The following PHLDB2 variants were observed in gnomAD, a reference collection of about 807,000 sequenced individuals.
PHLDB2 encodes the protein pleckstrin homology like domain family B member 2.
In PHLDB2, 71 loss-of-function variants were observed where a neutral mutation model predicts 123.6. The ratio of observed to expected loss-of-function variants is 0.57; its 90% CI spans 0.47 to 0.70. The LOEUF (loss-of-function observed/expected upper bound fraction) is 0.70. Ranked by LOEUF, PHLDB2 falls within the 30% of genes least tolerant of loss-of-function variation. The pLI, the probability that PHLDB2 is intolerant of heterozygous loss-of-function variation, is 0.00. For synonymous variants in PHLDB2, 547 were observed against 541.6 expected (o/e 1.01, Z -0.14); for missense variants, 1,446 against 1,519.5 (o/e 0.95, Z 0.80).
rs534846986 is a variant in PHLDB2 at position 111,863,587 on chromosome 3, C to G, written c.-15+4011C>G. ...AAATAACTATGGGGGTAAAAGGAACCTTAGAAATCCTCTTATCTGAATCTT... is the reference window on the plus strand; with the variant it reads ...AAATAACTATGGGGGTAAAAGGAACGTTAGAAATCCTCTTATCTGAATCTT... On this transcript the variant is annotated intron_variant, in intron 1 of 17. Transcript: ENST00000431670. 2.0e-5 allele frequency among the ~76,000 whole-genome samples: 3 copies of G among 152,238 alleles called. No individual in the cohort carries two copies. The East Asian group carries it at 5.8e-4, about 29-fold the overall frequency.
chr3:111,845,910 T>G, exon 2 of PHLDB2: 4 of 1,614,182 alleles, frequency 2.5e-6, no homozygotes, highest in Non-Finnish European at 3.4e-6. Flanking sequence ...CCAAGGAAGA[T>G]GGAGTTGGTG....
intron 1 of PHLDB2, among the ~76,000 whole-genome samples, chr3:111,792,060 G>A (rs1180795049): frequency 1.3e-5 from 2 of 152,044 alleles, no homozygotes; most frequent in Non-Finnish European, 2.9e-5. Context: ...TTTCACATAT[G>A]AGTAAAAACA....
At chr3:111,904,289 A>C (rs374434402) in intron 2 of PHLDB2, among the ~76,000 whole-genome samples, 3 of 150,744 alleles carry the variant, frequency 2.0e-5, no homozygotes, top group Non-Finnish European at 4.4e-5. Flanking sequence ...AAAAAAAAAA[A>C]GGCCAAGGGT....
intron 13 of PHLDB2, among the ~76,000 whole-genome samples, chr3:111,964,856 A>G (rs1462879235): frequency 6.6e-6 from 1 of 152,186 alleles, no homozygotes; most frequent in African/African-American, 2.4e-5. Flanking sequence ...GGATTAGGCT[A>G]TTGGTGAGTT....
At chr3:111,867,259 T>C (rs1337074764) in intron 1 of PHLDB2, among the ~76,000 whole-genome samples, 2 of 152,120 alleles carry the variant, frequency 1.3e-5, no homozygotes, top group African/African-American at 4.8e-5. Flanking sequence ...TAGGAGCCAG[T>C]GATATGACCC....
chr3:111,896,321 T>C lies in PHLDB2; in HGVS notation c.1335+10909T>C, dbSNP rs772316924. ...AAAAATTTATCATCAGCTAATAGGT[T>C]TAGTGATTGTGCTGGCTAATTCTTT... On this transcript the variant is annotated intron_variant, in intron 2 of 17. Coordinates refer to ENST00000431670, the MANE Select transcript of PHLDB2 (RefSeq NM_001134438.2). Among the ~76,000 whole-genome samples the C allele has an allele frequency of 5.3e-5, 8 of 149,540 alleles. No homozygotes were observed. In the South Asian group the frequency reaches 1.7e-3, roughly 32 times the overall value.
At chr3:111,886,152 A>G (rs1285219754) in intron 2 of PHLDB2, among the ~76,000 whole-genome samples, 6 of 152,254 alleles carry the variant, frequency 3.9e-5, no homozygotes, top group Non-Finnish European at 7.3e-5. Context: ...TAGAATGAAT[A>G]TCTGTGAGAG....
intron 1 of PHLDB2, among the ~76,000 whole-genome samples, chr3:111,749,351 C>A (rs145918413): frequency 0.011 from 1,651 of 152,154 alleles, 12 homozygotes; most frequent in Non-Finnish European, 0.018. Flanking sequence ...ACAAAGACAT[C>A]CATTTTAGTG....
At chr3:111,768,512 G>A (rs1419919137) in intron 1 of PHLDB2, among the ~76,000 whole-genome samples, 5 of 152,126 alleles carry the variant, frequency 3.3e-5, no homozygotes, top group Non-Finnish European at 7.3e-5. Flanking sequence ...TGCAGACCTA[G>A]CCCCAACCCA....
exon 2 of PHLDB2, chr3:111,845,881 G>T (rs201415940): frequency 1.9e-6 from 3 of 1,614,186 alleles, no homozygotes; most frequent in Admixed American, 1.7e-5. Context: ...GGAGGAGGAG[G>T]ATACCAAGAG....
chr3:111,888,808 A>G (rs7642148), intron 2 of PHLDB2, among the ~76,000 whole-genome samples: 29 of 152,194 alleles, frequency 1.9e-4, no homozygotes, highest in African/African-American at 6.0e-4. Flanking sequence ...AACTTTGCCA[A>G]ATTTTTAAAA....
At chr3:111,838,282 C>T (rs1204023427) in intron 1 of PHLDB2, among the ~76,000 whole-genome samples, 8 of 152,110 alleles carry the variant, frequency 5.3e-5, no homozygotes, top group African/African-American at 1.9e-4. Context: ...ACTATAGGCA[C>T]CTGCCACCAC....
At chr3:111,773,548 T>C (rs7640556) in intron 1 of PHLDB2, among the ~76,000 whole-genome samples, 142,555 of 152,300 alleles carry the variant, frequency 0.94, 66,767 homozygotes, top group East Asian at 1. Context: ...TCAAGCACTT[T>C]GCATTCATCC....
chr3:111,777,235 A>G (rs1354249797), intron 1 of PHLDB2, among the ~76,000 whole-genome samples: 1 of 152,168 alleles, frequency 6.6e-6, no homozygotes, highest in Non-Finnish European at 1.5e-5. Flanking sequence ...ATGTCAAAAC[A>G]GATTACTAGT....
chr3:111,830,880 G>T (rs540392638), intron 1 of PHLDB2, among the ~76,000 whole-genome samples: 19 of 149,620 alleles, frequency 1.3e-4, no homozygotes, highest in African/African-American at 4.4e-4. Context: ...CATGAGGGGC[G>T]GTGGGATCTT....
chr3:111,743,070 G>A (rs1417552749), intron 1 of PHLDB2, among the ~76,000 whole-genome samples: 10 of 152,162 alleles, frequency 6.6e-5, no homozygotes, highest in Admixed American at 4.6e-4. Context: ...TGGGGTCCAA[G>A]TGGTATTTTA....
intron 1 of PHLDB2, among the ~76,000 whole-genome samples, chr3:111,766,286 C>CA (rs5851782): frequency 0.37 from 56,202 of 151,268 alleles, 12,784 homozygotes; most frequent in Middle Eastern, 0.54. Context: ...ACAACAACAA[C>CA]AAAAAAATTA....
At chr3:111,911,004 C>G (rs2067853211) in intron 2 of PHLDB2, among the ~76,000 whole-genome samples, 1 of 152,204 alleles carries the variant, frequency 6.6e-6, no homozygotes, top group Non-Finnish European at 1.5e-5. Flanking sequence ...ACCAAACTTC[C>G]TGTTCACAAG....
rs1282976 is a variant in PHLDB2 at position 111,851,461 on chromosome 3, G to T, written c.67+5526G>T. 1.4e-4 allele frequency among the ~76,000 whole-genome samples: 22 copies of T among 152,080 alleles called. 1 individual carries two copies. Among genetic ancestry groups the T allele is most frequent in the Admixed American group, 5.9e-4 (9 of 15,276 alleles). On this transcript the variant is annotated intron_variant, in intron 2 of 17. Transcript: ENST00000393923. Reference sequence around the variant, plus strand: ...CAGAGTAATCATAACTCTGAAAAAGGAAAAGGGCAGTCAGGAGTGGATGGA... The same window carrying T: ...CAGAGTAATCATAACTCTGAAAAAGTAAAAGGGCAGTCAGGAGTGGATGGA...
Sources: gnomAD v4.1 joint callset for allele counts (sites outside exome capture counted in the v4.1 genomes callset) on GRCh38, gnomAD v4.1.1 for gene constraint, MANE v1.5 for transcripts, NCBI Gene and HGNC (gene_info 2026-07-23, HGNC 2026-07-21) for gene names.